ULK4: variants seen among roughly 807,000 people sequenced by gnomAD.
The protein encoded by ULK4 is unc-51 like kinase 4.
Under a neutral mutation model 160.6 loss-of-function variants are expected in ULK4, and 133 were observed. That is an observed-to-expected ratio of 0.83 (90% CI 0.72 to 0.96). The LOEUF is 0.96. Among genes scored for constraint, ULK4 ranks in the 40% least tolerant of loss-of-function variants. The probability of loss-of-function intolerance (pLI) is 0.00; values close to 1 mark genes in which losing one functional copy is unlikely to be tolerated. For synonymous variants in ULK4, 534 were observed against 539.8 expected (o/e 0.99, Z 0.15); for missense variants, 1,580 against 1,499.5 (o/e 1.05, Z -0.89).
intron 31 of ULK4, among the ~76,000 whole-genome samples, chr3:41,573,672 T>C (rs993166008): frequency 1.3e-5 from 2 of 152,078 alleles, no homozygotes; most frequent in African/African-American, 2.4e-5. Flanking sequence ...TTCTTAAAAA[T>C]ACATAGCACA....
chr3:41,611,353 C>T (rs370385619), intron 31 of ULK4, among the ~76,000 whole-genome samples: 18 of 152,158 alleles, frequency 1.2e-4, no homozygotes, highest in Non-Finnish European at 2.1e-4. Flanking sequence ...TTTTTGTAAG[C>T]CATCAGCTGC....
chr3:41,275,550 T>C (rs1396685442), intron 35 of ULK4, among the ~76,000 whole-genome samples: 13 of 152,156 alleles, frequency 8.5e-5, no homozygotes, highest in Admixed American at 8.5e-4. Context: ...AACATTTCTT[T>C]TGAGAAATAC....
In ULK4 at chr3:41,734,161, T is replaced by C. The variant is rs546200041; in HGVS notation, c.2322-16300A>G. 5.9e-5 allele frequency among the ~76,000 whole-genome samples: 9 copies of C among 152,216 alleles called. No individual in the cohort carries two copies. The South Asian group carries it at 1.9e-3, about 32-fold the overall frequency. The stretch of plus-strand genomic sequence containing the variant: ...CAGTGTCAGAGCAAATAAGAGATGC[T>C]ATTGGCTTGGTTGGGGCAGTCTAGA... On this transcript the variant is annotated intron_variant, in intron 22 of 36. Coordinates refer to ENST00000301831, the MANE Select transcript of ULK4 (RefSeq NM_017886.4).
intron 35 of ULK4, among the ~76,000 whole-genome samples, chr3:41,316,255 A>C (rs1192859554): frequency 1.3e-5 from 2 of 152,218 alleles, no homozygotes. Context: ...ATCTGAAAGC[A>C]TTATACTAAG....
At chr3:41,911,289 C>T (rs1716991) in intron 11 of ULK4, 28 bp downstream of exon 11, 1,592,136 of 1,609,916 alleles carry the variant, frequency 0.99, 788,563 homozygotes, top group East Asian at 1. Context: ...TTGTCTTGCA[C>T]TGATCCCTCT....
At chr3:41,460,009 G>A (rs1055092130) in intron 33 of ULK4, among the ~76,000 whole-genome samples, 3 of 152,188 alleles carry the variant, frequency 2.0e-5, no homozygotes, top group Non-Finnish European at 4.4e-5. Context: ...ACCAGGCAGA[G>A]GGTAGTTTAT....
intron 35 of ULK4, among the ~76,000 whole-genome samples, chr3:41,262,615 A>G (rs929089833): frequency 1.1e-4 from 16 of 152,164 alleles, no homozygotes; most frequent in Non-Finnish European, 2.1e-4. Flanking sequence ...TCTAGAGGCT[A>G]CAGAAGTAAC....
At chr3:41,911,279 T>C (rs1698774332) in intron 11 of ULK4, 38 bp downstream of exon 11, 3 of 1,596,616 alleles carry the variant, frequency 1.9e-6, no homozygotes, top group Non-Finnish European at 2.6e-6. Flanking sequence ...AATTTAACTT[T>C]TGTCTTGCAC....
intron 27 of ULK4, among the ~76,000 whole-genome samples, chr3:41,692,660 G>A (rs1345385067): frequency 1.3e-5 from 2 of 150,958 alleles, no homozygotes; most frequent in South Asian, 2.1e-4. Context: ...TTTAGTGTAG[G>A]GATAATATAT....
At chr3:41,638,735 C>G (rs1004295160) in intron 30 of ULK4, among the ~76,000 whole-genome samples, 7 of 152,198 alleles carry the variant, frequency 4.6e-5, no homozygotes, top group Admixed American at 2.0e-4. Context: ...CACATAAAAT[C>G]AGAAGACTCT....
At chr3:41,546,407 T>G (rs1170305634) in intron 32 of ULK4, among the ~76,000 whole-genome samples, 2 of 152,176 alleles carry the variant, frequency 1.3e-5, no homozygotes, top group East Asian at 3.9e-4. Context: ...AATTTCAGGC[T>G]AGTTTAGCTT....
rs947407999 is a variant in ULK4, at chr3:41,681,260, A to G, written c.2978+248T>C. 6.6e-4 allele frequency among the ~76,000 whole-genome samples: 100 copies of G among 152,186 alleles called. 1 individual carries two copies. The highest frequency in any genetic ancestry group is 5.2e-3 in the Admixed American group (79 of 15,274). Reference sequence around the variant, plus strand: ...ACGTTTAAATCTGCATAACTTCAAAATCATGTTTCTGGCAAAAAACAGATT... The same window carrying G: ...ACGTTTAAATCTGCATAACTTCAAAGTCATGTTTCTGGCAAAAAACAGATT... On this transcript the variant is annotated intron_variant, in intron 29 of 36. Coordinates refer to ENST00000301831, the MANE Select transcript of ULK4 (RefSeq NM_017886.4).
intron 1 of ULK4, among the ~76,000 whole-genome samples, chr3:41,957,944 T>C (rs1700540538): frequency 6.6e-6 from 1 of 151,102 alleles, no homozygotes; most frequent in African/African-American, 2.4e-5. Context: ...CTTGGGAGAC[T>C]GAGGCAGGAG....
intron 35 of ULK4, among the ~76,000 whole-genome samples, chr3:41,380,614 C>T: frequency 6.6e-6 from 1 of 152,130 alleles, no homozygotes; most frequent in South Asian, 2.1e-4. Context: ...CGGCCTCACC[C>T]ATCCAGTTGG....
At chr3:41,347,225 C>A (rs1237330773) in intron 35 of ULK4, among the ~76,000 whole-genome samples, 1 of 152,164 alleles carries the variant, frequency 6.6e-6, no homozygotes, top group African/African-American at 2.4e-5. Flanking sequence ...CAACTCAGTC[C>A]AAAGTTAGAC....
At chr3:41,325,623 A>T (rs901312216) in intron 35 of ULK4, among the ~76,000 whole-genome samples, 34 of 152,206 alleles carry the variant, frequency 2.2e-4, no homozygotes, top group African/African-American at 8.2e-4. Flanking sequence ...TTATATATAA[A>T]ATATATAATA....
chr3:41,936,418 T>C (rs1017348168), intron 3 of ULK4, among the ~76,000 whole-genome samples: 5 of 152,190 alleles, frequency 3.3e-5, no homozygotes, highest in Non-Finnish European at 2.9e-5. Context: ...GTCAGGCACA[T>C]TGAGAATCCC....
intron 32 of ULK4, among the ~76,000 whole-genome samples, chr3:41,483,206 A>G (rs1439618715): frequency 1.3e-5 from 2 of 152,008 alleles, no homozygotes; most frequent in East Asian, 3.9e-4. Context: ...ATTCCATCCT[A>G]TCTCCATGAT....
intron 32 of ULK4, among the ~76,000 whole-genome samples, chr3:41,471,759 G>C (rs891137721): frequency 6.6e-6 from 1 of 151,844 alleles, no homozygotes; most frequent in African/African-American, 2.4e-5. Context: ...AACAACCAAT[G>C]AGTTAATAAA....
Sources: allele counts gnomAD v4.1 joint callset (sites outside exome capture counted in the v4.1 genomes callset), GRCh38; gene constraint gnomAD v4.1.1; transcripts MANE v1.5; gene names NCBI Gene and HGNC (gene_info 2026-07-23, HGNC 2026-07-21).